Variants in PCGF6 observed in about 807,000 individuals in gnomAD.
PCGF6 encodes polycomb group RING finger protein 6.
In PCGF6, 24 loss-of-function variants were observed where a neutral mutation model predicts 45.5. That is an observed-to-expected ratio of 0.53 (90% CI 0.38 to 0.74). The LOEUF (loss-of-function observed/expected upper bound fraction) is 0.74. Among genes scored for constraint, PCGF6 ranks in the 30% least tolerant of loss-of-function variants. The probability of loss-of-function intolerance (pLI) is 0.00; values close to 1 mark genes in which losing one functional copy is unlikely to be tolerated. For missense variants in PCGF6, 356 were observed against 443.2 expected (o/e 0.80, Z 1.77); for synonymous variants, 152 against 162.1 (o/e 0.94, Z 0.47).
intron 7 of PCGF6, among the ~76,000 whole-genome samples, chr10:103,332,951 C>A (rs896188348): frequency 6.6e-6 from 1 of 151,884 alleles, no homozygotes; most frequent in South Asian, 2.1e-4. Context: ...ACCGTCTCTA[C>A]TAAAAATGCA....
intron 8 of PCGF6, among the ~76,000 whole-genome samples, chr10:103,318,667 C>A (rs1267151535): frequency 2.6e-5 from 4 of 151,604 alleles, no homozygotes; most frequent in Non-Finnish European, 1.5e-5. Flanking sequence ...TGGCTTGAAC[C>A]TGGGAGGCAG....
intron 9 of PCGF6, among the ~76,000 whole-genome samples, chr10:103,310,527 T>C (rs2093153525): frequency 6.6e-6 from 1 of 152,154 alleles, no homozygotes; most frequent in African/African-American, 2.4e-5. Context: ...ATGTGTATAT[T>C]TTCTGCTTCT....
At chr10:103,335,464 C>T (rs2093253231) in intron 6 of PCGF6, among the ~76,000 whole-genome samples, 1 of 151,726 alleles carries the variant, frequency 6.6e-6, no homozygotes, top group African/African-American at 2.4e-5. Flanking sequence ...CGGGTTCAAG[C>T]GATTCTCTTT....
chr10:103,324,933 G>A (rs1396300777), intron 8 of PCGF6, among the ~76,000 whole-genome samples: 2 of 151,492 alleles, frequency 1.3e-5, no homozygotes, highest in Admixed American at 6.6e-5. Flanking sequence ...TCAGGAGTTC[G>A]AGACCAGCCA....
chr10:103,329,992 A>C (rs2093234140), intron 7 of PCGF6, among the ~76,000 whole-genome samples: 1 of 132,708 alleles, frequency 7.5e-6, no homozygotes, highest in African/African-American at 2.9e-5. Flanking sequence ...GATGGTATCG[A>C]TCTCCTGACT....
At chr10:103,336,300 T>C (rs928341177) in intron 6 of PCGF6, among the ~76,000 whole-genome samples, 1 of 151,288 alleles carries the variant, frequency 6.6e-6, no homozygotes, top group African/African-American at 2.4e-5. Context: ...CAGAAATATT[T>C]ATATATTATA....
intron 6 of PCGF6, among the ~76,000 whole-genome samples, chr10:103,344,797 T>C (rs1256821231): frequency 1.3e-5 from 2 of 152,072 alleles, no homozygotes; most frequent in African/African-American, 2.4e-5. Flanking sequence ...CTCGAACTCC[T>C]GACCTCAGGT....
At chr10:103,340,191 A>AT (rs2093275304) in intron 6 of PCGF6, among the ~76,000 whole-genome samples, 4 of 106,682 alleles carry the variant, frequency 3.7e-5, no homozygotes, top group East Asian at 2.3e-4. Flanking sequence ...AAAAAAAAAA[A>AT]AAAAAAAATA....
intron 9 of PCGF6, among the ~76,000 whole-genome samples, chr10:103,304,740 T>C (rs532258847): frequency 1.3e-5 from 2 of 151,992 alleles, no homozygotes; most frequent in South Asian, 4.2e-4. Flanking sequence ...ACTGCAGCCT[T>C]GACCACCTGG....
intron 5 of PCGF6, among the ~76,000 whole-genome samples, chr10:103,346,046 A>T (rs1463620066): frequency 1.3e-5 from 2 of 150,388 alleles, no homozygotes; most frequent in African/African-American, 4.9e-5. Context: ...TACAAAAAAA[A>T]TTAGCTGGGT....
At chr10:103,332,566 G>A (rs534606355) in intron 7 of PCGF6, among the ~76,000 whole-genome samples, 9 of 152,078 alleles carry the variant, frequency 5.9e-5, no homozygotes, top group African/African-American at 1.9e-4. Flanking sequence ...GTGAGCCAAC[G>A]AACCCGGCCT....
At chr10:103,317,253 C>T (rs778422890) in intron 8 of PCGF6, among the ~76,000 whole-genome samples, 71 of 152,074 alleles carry the variant, frequency 4.7e-4, no homozygotes, top group African/African-American at 1.4e-3. Context: ...TTAGGTGATC[C>T]GCCCACCTCA....
intron 7 of PCGF6, among the ~76,000 whole-genome samples, chr10:103,333,075 C>T (rs1173283656): frequency 2.7e-5 from 4 of 148,630 alleles, no homozygotes; most frequent in Non-Finnish European, 4.4e-5. Flanking sequence ...GCCAAGATTG[C>T]GCCACTGTGC....
intron 6 of PCGF6, among the ~76,000 whole-genome samples, chr10:103,342,837 C>T (rs999115333): frequency 5.3e-5 from 8 of 152,202 alleles, no homozygotes; most frequent in African/African-American, 1.7e-4. Context: ...TTTGGAATTA[C>T]ATGATTTCTT....
chr10:103,335,366 A>ATT (rs774656906), intron 6 of PCGF6, among the ~76,000 whole-genome samples: 6 of 138,240 alleles, frequency 4.3e-5, no homozygotes, highest in South Asian at 2.3e-4. Context: ...CAAAGCACTC[A>ATT]TTTTTTTTTT....
intron 9 of PCGF6, among the ~76,000 whole-genome samples, chr10:103,310,481 A>G (rs1592054549): frequency 6.6e-6 from 1 of 152,188 alleles, no homozygotes; most frequent in Non-Finnish European, 1.5e-5. Context: ...CAATTAAAAT[A>G]TATCATATGT....
chr10:103,339,301 G>T (rs1592073075), intron 6 of PCGF6, among the ~76,000 whole-genome samples: 2 of 152,108 alleles, frequency 1.3e-5, no homozygotes, highest in Admixed American at 1.3e-4. Flanking sequence ...GAGGCGAGAG[G>T]ATTGCTTGAG....
chr10:103,311,954 GGGACACCTA>G (rs1329440979), intron 9 of PCGF6, among the ~76,000 whole-genome samples: 2 of 151,680 alleles, frequency 1.3e-5, no homozygotes, highest in East Asian at 3.9e-4. Flanking sequence ...CTGGTGTGGT[GGGACACCTA>G]TAGTCCCAGC....
At chr10:103,316,339 C>T (rs1349249930) in intron 8 of PCGF6, among the ~76,000 whole-genome samples, 1 of 152,136 alleles carries the variant, frequency 6.6e-6, no homozygotes. Flanking sequence ...ACATGTTAAA[C>T]TCTAAAAACT....
Sources: allele counts gnomAD v4.1 joint callset (sites outside exome capture counted in the v4.1 genomes callset), GRCh38; gene constraint gnomAD v4.1.1; transcripts MANE v1.5; gene names NCBI Gene and HGNC (gene_info 2026-07-23, HGNC 2026-07-21).